Variants in SCHIP1 observed in about 807,000 individuals in gnomAD.
SCHIP1 encodes the protein schwannomin interacting protein 1.
Under a neutral mutation model 29.7 loss-of-function variants are expected in SCHIP1, and 8 were observed. That is an observed-to-expected ratio of 0.27 (90% CI 0.16 to 0.49). The LOEUF (loss-of-function observed/expected upper bound fraction) is 0.49, where lower values mean the gene tolerates loss of function less well. SCHIP1 is among the 20% of genes least tolerant of loss of function. SCHIP1 has a pLI of 0.99. For synonymous variants in SCHIP1, 76 were observed against 94.9 expected (o/e 0.80, Z 1.16); for missense variants, 193 against 294.6 (o/e 0.66, Z 2.52).
At chr3:159,849,321 C>T (rs1234266219) in intron 1 of SCHIP1, among the ~76,000 whole-genome samples, 1 of 151,794 alleles carries the variant, frequency 6.6e-6, no homozygotes, top group Non-Finnish European at 1.5e-5. Context: ...ATATTTAAGC[C>T]CACTCTGTTA....
the SCHIP1 span, among the ~76,000 whole-genome samples, chr3:159,596,190 A>G: frequency 1.3e-5 from 2 of 152,356 alleles, no homozygotes; most frequent in East Asian, 1.9e-4. Context: ...CAACAGACAC[A>G]TGGAAAAATG....
chr3:159,602,335 C>T, the SCHIP1 span, among the ~76,000 whole-genome samples: 1 of 152,166 alleles, frequency 6.6e-6, no homozygotes, highest in East Asian at 1.9e-4. Context: ...TTTGGCTCTT[C>T]TTTCTGGAGA....
chr3:159,653,096 T>A, the SCHIP1 span, among the ~76,000 whole-genome samples: 1 of 152,208 alleles, frequency 6.6e-6, no homozygotes, highest in African/African-American at 2.4e-5. Flanking sequence ...GTTTGGATGC[T>A]GGCAAGGCTG....
chr3:159,637,371 CCACACACACACACACACACACACACA>C, the SCHIP1 span, among the ~76,000 whole-genome samples: 5 of 134,576 alleles, frequency 3.7e-5, no homozygotes, highest in African/African-American at 1.1e-4. Context: ...CCGGCCCCAG[CCACACACACACACACACACACACACA>C]CACACACACA....
the SCHIP1 span, among the ~76,000 whole-genome samples, chr3:159,771,622 C>T: frequency 6.6e-6 from 1 of 151,384 alleles, no homozygotes; most frequent in African/African-American, 2.4e-5. Context: ...TTAAGAGCTG[C>T]AAAGGCTGCT....
the SCHIP1 span, among the ~76,000 whole-genome samples, chr3:159,552,449 CA>C: frequency 3.3e-5 from 5 of 149,790 alleles, no homozygotes; most frequent in Admixed American, 1.3e-4. Context: ...AATGAATCGA[CA>C]AAAAAAAATA....
chr3:159,398,471 T>G, the SCHIP1 span, among the ~76,000 whole-genome samples: 3 of 152,126 alleles, frequency 2.0e-5, no homozygotes, highest in African/African-American at 7.2e-5. Context: ...ATTTAGGAAA[T>G]GAAATATTCA....
At chr3:159,540,581 A>G in the SCHIP1 span, among the ~76,000 whole-genome samples, 5 of 152,090 alleles carry the variant, frequency 3.3e-5, no homozygotes, top group Non-Finnish European at 5.9e-5. Context: ...CAAGACCACC[A>G]CGGCACCTTT....
At chr3:159,321,936 A>G in the SCHIP1 span, among the ~76,000 whole-genome samples, 4 of 152,272 alleles carry the variant, frequency 2.6e-5, no homozygotes, top group Non-Finnish European at 4.4e-5. Context: ...GTAGGAATAT[A>G]TATTTCATGA....
chr3:159,521,432 T>C, the SCHIP1 span, among the ~76,000 whole-genome samples: 1 of 152,374 alleles, frequency 6.6e-6, no homozygotes, highest in East Asian at 1.9e-4. Context: ...AATCTGGATT[T>C]ATGGCTTCTT....
At chr3:159,414,874 C>G in the SCHIP1 span, among the ~76,000 whole-genome samples, 1 of 152,140 alleles carries the variant, frequency 6.6e-6, no homozygotes, top group African/African-American at 2.4e-5. Context: ...CTATGAGATT[C>G]TAATGCTGCC....
chr3:159,814,612 T>C, the SCHIP1 span, among the ~76,000 whole-genome samples: 7 of 152,326 alleles, frequency 4.6e-5, no homozygotes, highest in African/African-American at 1.7e-4. Flanking sequence ...AGCTGGCCCA[T>C]GTGCCGCACA....
At chr3:159,404,777 G>A in the SCHIP1 span, among the ~76,000 whole-genome samples, 5 of 152,188 alleles carry the variant, frequency 3.3e-5, no homozygotes, top group African/African-American at 7.2e-5. Flanking sequence ...CAGCCCTAGG[G>A]CCTTTGAGCA....
chr3:159,378,945 C>T, the SCHIP1 span, among the ~76,000 whole-genome samples: 10 of 152,174 alleles, frequency 6.6e-5, no homozygotes, highest in Non-Finnish European at 1.3e-4. Flanking sequence ...TTTAATTACA[C>T]AATGCACAGG....
chr3:159,819,482 T>A, the SCHIP1 span, among the ~76,000 whole-genome samples: 1 of 152,134 alleles, frequency 6.6e-6, no homozygotes, highest in South Asian at 2.1e-4. Flanking sequence ...GTAAATCTTC[T>A]GAGGCAAAAA....
At chr3:159,668,405 C>A in the SCHIP1 span, among the ~76,000 whole-genome samples, 2 of 143,266 alleles carry the variant, frequency 1.4e-5, no homozygotes, top group African/African-American at 5.9e-5. Context: ...AAGAGTGAGT[C>A]CCATGAAGGA....
chr3:159,722,782 G>A, the SCHIP1 span, among the ~76,000 whole-genome samples: 2 of 152,236 alleles, frequency 1.3e-5, no homozygotes, highest in East Asian at 3.9e-4. Flanking sequence ...AAGAGGTTTC[G>A]TGGCTTCATG....
the SCHIP1 span, among the ~76,000 whole-genome samples, chr3:159,616,176 T>C: frequency 3.9e-5 from 6 of 152,192 alleles, no homozygotes; most frequent in Admixed American, 1.3e-4. Flanking sequence ...TGGGGCAAGA[T>C]AGCATTTTTG....
At chr3:159,517,211 G>A in the SCHIP1 span, among the ~76,000 whole-genome samples, 1 of 152,062 alleles carries the variant, frequency 6.6e-6, no homozygotes, top group African/African-American at 2.4e-5. Flanking sequence ...TATATTATCA[G>A]AAAAAATATT....
Sources: allele counts gnomAD v4.1 joint callset (sites outside exome capture counted in the v4.1 genomes callset), GRCh38; gene constraint gnomAD v4.1.1; transcripts MANE v1.5; gene names NCBI Gene and HGNC (gene_info 2026-07-23, HGNC 2026-07-21).